The following CFAP47 variants were observed in gnomAD, a reference collection of about 807,000 sequenced individuals.
CFAP47 encodes the protein cilia and flagella associated protein 47.
Under a neutral mutation model 148.1 loss-of-function variants are expected in CFAP47, and 29 were observed. The observed-to-expected ratio is 0.20, with a 90% confidence interval of 0.15 to 0.27. The LOEUF is 0.27. Among genes scored for constraint, CFAP47 ranks in the 10% least tolerant of loss-of-function variants. The probability of loss-of-function intolerance (pLI) is 1.00; values close to 1 mark genes in which losing one functional copy is unlikely to be tolerated. For synonymous variants in CFAP47, 664 were observed against 577.3 expected, an observed-to-expected ratio of 1.15 and a Z score of -2.15; for missense variants, 1,872 against 1,697.5, an observed-to-expected ratio of 1.10 and a Z score of -1.81.
chrX:36,166,188 C>T (rs759927974), intron 39 of CFAP47, among the ~76,000 whole-genome samples: 1 of 111,385 alleles, frequency 9.0e-6, no homozygotes, highest in East Asian at 2.8e-4. Flanking sequence ...CATTTTTTCT[C>T]TTCTTTTTCC....
At chrX:36,174,985 A>C (rs1373859314) in intron 39 of CFAP47, among the ~76,000 whole-genome samples, 1 of 112,084 alleles carries the variant, frequency 8.9e-6, no homozygotes, top group East Asian at 2.8e-4. Context: ...TATTTCTTGG[A>C]GGCTTTGCTC....
At chrX:36,015,460 G>A (rs1937086037) in intron 22 of CFAP47, among the ~76,000 whole-genome samples, 1 of 110,842 alleles carries the variant, frequency 9.0e-6, no homozygotes, top group African/African-American at 3.3e-5. Context: ...AATTATATAT[G>A]TATATTTTTC....
At position 36,047,017 on chromosome X, in the gene CFAP47, G is replaced by A; in HGVS notation, c.4171G>A (p.Val1391Met). 1 of 1,163,578 alleles carries A rather than the reference G, an allele frequency of 8.6e-7. No homozygotes were observed. Among genetic ancestry groups the A allele is most frequent in the Non-Finnish European group, 1.1e-6 (1 of 870,854 alleles). Reference sequence around the variant, plus strand: ...CCTCAGTTTCAAGTCATCTAAACCTGTGTCATTTTTTACCAATCTTCTTTT... The same window carrying A: ...CCTCAGTTTCAAGTCATCTAAACCTATGTCATTTTTTACCAATCTTCTTTT... Reference protein sequence around the residue: ...CHLSFKSSKPVSFFTNLLFCD... With the variant: ...CHLSFKSSKPMSFFTNLLFCD... The change falls in exon 26 of 64, where the codon GTG (valine) becomes ATG (methionine). Residue 1391 changes from valine (V) to methionine (M), a missense_variant. Val to Met is a conservative substitution (Grantham distance 21). Coordinates refer to ENST00000378653, the MANE Select transcript of CFAP47 (RefSeq NM_001304548.2).
At chrX:36,012,945 T>C (rs1272614353) in intron 21 of CFAP47, among the ~76,000 whole-genome samples, 1 of 111,134 alleles carries the variant, frequency 9.0e-6, no homozygotes, top group Non-Finnish European at 1.9e-5. Flanking sequence ...CAAGGGCAAG[T>C]AAAAGTGCCA....
chrX:36,077,174 C>CGCCTCCA (rs1351939788), intron 29 of CFAP47, among the ~76,000 whole-genome samples: 1 of 77,564 alleles, frequency 1.3e-5, no homozygotes, highest in Non-Finnish European at 2.3e-5. Flanking sequence ...GGTAATACAG[C>CGCCTCCA]GCCTCCAGCT....
chrX:36,310,186 G>A (rs920949244), intron 55 of CFAP47, among the ~76,000 whole-genome samples: 1 of 110,821 alleles, frequency 9.0e-6, no homozygotes, highest in African/African-American at 3.3e-5. Flanking sequence ...GTACTCTGAA[G>A]GGACTTTTAT....
At chrX:36,029,881 G>T (rs1937261340) in intron 22 of CFAP47, among the ~76,000 whole-genome samples, 1 of 109,998 alleles carries the variant, frequency 9.1e-6, no homozygotes, top group East Asian at 2.8e-4. Context: ...TTTTAAATTA[G>T]CAAGAGTTCT....
intron 62 of CFAP47, among the ~76,000 whole-genome samples, chrX:36,373,304 G>A (rs919798269): frequency 1.8e-5 from 2 of 110,970 alleles, no homozygotes; most frequent in Non-Finnish European, 3.8e-5. Context: ...TATATAAATT[G>A]GATTACTTTC....
chrX:36,230,498 A>G (rs1393722727), intron 46 of CFAP47, among the ~76,000 whole-genome samples: 2 of 103,018 alleles, frequency 1.9e-5, no homozygotes, highest in African/African-American at 7.8e-5. Context: ...TCATTGTAGA[A>G]TCTGGATATT....
intron 33 of CFAP47, among the ~76,000 whole-genome samples, chrX:36,130,360 A>G (rs541507067): frequency 7.3e-4 from 81 of 111,698 alleles, no homozygotes; most frequent in African/African-American, 2.5e-3. Context: ...AATGCAAATC[A>G]AAACTACAGT....
At chrX:36,255,677 G>C (rs1027618603) in intron 49 of CFAP47, among the ~76,000 whole-genome samples, 7 of 111,586 alleles carry the variant, frequency 6.3e-5, no homozygotes, top group African/African-American at 2.3e-4. Context: ...GTGCATTGTA[G>C]TGTCTTCCAC....
Position 36,069,550 on chromosome X carries a change from A to G in CFAP47, c.4319-2275A>G, listed in dbSNP as rs73468981. ...TTATAATTCTTAAATATCCTAAAAC[A>G]TCTTTAGAAATATATATAGTGATAA... On this transcript the variant is annotated intron_variant, in intron 27 of 63. Transcript: ENST00000378653. Among the ~76,000 whole-genome samples the G allele has an allele frequency of 9.6e-3, 1,069 of 111,909 alleles. 8 individuals are homozygous for G. The highest frequency in any genetic ancestry group is 0.033 in the African/African-American group (1,012 of 30,870).
chrX:35,955,920 C>A (rs1314329099), intron 7 of CFAP47, 41 bp from the exon 8 acceptor site: 12 of 1,195,710 alleles, frequency 1.0e-5, no homozygotes, highest in Non-Finnish European at 1.4e-5. Flanking sequence ...CTGGATTCCC[C>A]AAACACTTTT....
At chrX:36,144,889 G>A in intron 35 of CFAP47, 1 of 930,727 alleles carries the variant, frequency 1.1e-6, no homozygotes, top group South Asian at 2.3e-5. Context: ...CCTCAGAATG[G>A]GGCCTGCACT....
chrX:36,166,296 T>A (rs1442068140), intron 39 of CFAP47, among the ~76,000 whole-genome samples: 1 of 111,230 alleles, frequency 9.0e-6, no homozygotes, highest in Non-Finnish European at 1.9e-5. Flanking sequence ...TTTTCTTCAT[T>A]TTTTTCTCTG....
In CFAP47 at chrX:36,384,961, G is replaced by T; in HGVS notation, c.9519G>T (p.Gly3173=). Residue 3173 remains glycine, a synonymous_variant, in exon 64 of 64, where the codon GGG becomes GGT. Transcript: ENST00000378653. ...VRENTKLIRT[G]VSSTIKGAPL... ...AAAATACTAAACTCATAAGAACAGGGGTGTCTTCCACCATCAAGGGTGCTC... is the reference window on the plus strand; with the variant it reads ...AAAATACTAAACTCATAAGAACAGGTGTGTCTTCCACCATCAAGGGTGCTC... 1 of 1,166,224 alleles carries T rather than the reference G, an allele frequency of 8.6e-7. No homozygotes were observed. Among genetic ancestry groups the T allele is most frequent in the African/African-American group, 1.8e-5 (1 of 56,163 alleles).
intron 56 of CFAP47, among the ~76,000 whole-genome samples, chrX:36,314,813 A>C (rs1941421090): frequency 8.9e-6 from 1 of 111,853 alleles, no homozygotes; most frequent in South Asian, 3.7e-4. Flanking sequence ...TAAGGAATCC[A>C]ACTTTTATCC....
At chrX:36,243,639 ATG>A (rs1403598585) in intron 48 of CFAP47, among the ~76,000 whole-genome samples, 2 of 52,525 alleles carry the variant, frequency 3.8e-5, no homozygotes, top group Non-Finnish European at 6.0e-5. Flanking sequence ...TAACTATTAT[ATG>A]TGTGTGTATA....
intron 46 of CFAP47, among the ~76,000 whole-genome samples, chrX:36,235,078 C>A (rs1034785582): frequency 9.0e-6 from 1 of 111,414 alleles, no homozygotes; most frequent in Non-Finnish European, 1.9e-5. Context: ...CAGGGACGCA[C>A]TTGAGGAGGT....
Sources: allele counts gnomAD v4.1 joint callset (sites outside exome capture counted in the v4.1 genomes callset), GRCh38; gene constraint gnomAD v4.1.1; transcripts MANE v1.5; gene names NCBI Gene and HGNC (gene_info 2026-07-23, HGNC 2026-07-21).